The following AOAH variants were observed in gnomAD, a reference collection of about 807,000 sequenced individuals.
The protein encoded by AOAH is acyloxyacyl hydrolase (neutrophil).
Under a neutral mutation model 92.2 loss-of-function variants are expected in AOAH, and 64 were observed. The observed-to-expected ratio is 0.69, with a 90% confidence interval of 0.57 to 0.86. The LOEUF is 0.86. Ranked by LOEUF, AOAH falls within the 40% of genes least tolerant of loss-of-function variation. The probability of loss-of-function intolerance (pLI) is 0.00; values close to 1 mark genes in which losing one functional copy is unlikely to be tolerated. For missense variants in AOAH, 656 were observed against 694.6 expected, an observed-to-expected ratio of 0.94 and a Z score of 0.62; for synonymous variants, 263 against 254.5, an observed-to-expected ratio of 1.03 and a Z score of -0.32.
At chr7:36,543,947 C>CTTTCTT (rs55745823) in intron 15 of AOAH, among the ~76,000 whole-genome samples, 25,858 of 88,844 alleles carry the variant, frequency 0.29, 5,614 homozygotes, top group Middle Eastern at 0.38. Context: ...TTCTTTCTTT[C>CTTTCTT]TTTTTTTTTT....
intron 1 of AOAH, among the ~76,000 whole-genome samples, chr7:36,717,223 T>G (rs1386816570): frequency 1.3e-5 from 2 of 152,248 alleles, no homozygotes; most frequent in Admixed American, 6.5e-5. Flanking sequence ...GCTGGGGTTG[T>G]TTGTGATGGG....
chr7:36,522,212 GC>G, intron 19 of AOAH, 97 bp from the exon 20 acceptor site: 1 of 1,156,952 alleles, frequency 8.6e-7, no homozygotes, highest in Non-Finnish European at 1.3e-6. Context: ...GCCCTCCCGG[GC>G]CCATGTTGAC....
At chr7:36,581,770 A>G (rs1187896080) in intron 12 of AOAH, among the ~76,000 whole-genome samples, 1 of 152,200 alleles carries the variant, frequency 6.6e-6, no homozygotes, top group Non-Finnish European at 1.5e-5. Flanking sequence ...AATCTTTACC[A>G]ATAGGAGATA....
chr7:36,530,596 C>A, intron 18 of AOAH, 82 bp from the exon 19 acceptor site: 1 of 879,326 alleles, frequency 1.1e-6, no homozygotes. Context: ...ACAAAGAAAT[C>A]GATCTTCCCC....
chr7:36,562,778 G>A (rs1225984283), intron 13 of AOAH, among the ~76,000 whole-genome samples: 1 of 152,084 alleles, frequency 6.6e-6, no homozygotes, highest in South Asian at 2.1e-4. Flanking sequence ...AGAAAGTCGG[G>A]GCTTTAGTGC....
chr7:36,630,908 C>G (rs886253683), intron 6 of AOAH, among the ~76,000 whole-genome samples: 1 of 152,156 alleles, frequency 6.6e-6, no homozygotes, highest in Non-Finnish European at 1.5e-5. Context: ...GTTGCTTTCT[C>G]TGTGAAATGG....
chr7:36,684,916 AAAAAAAAAAAAAAAAAAAAAAAAG>A (rs1295283931), intron 2 of AOAH, among the ~76,000 whole-genome samples: 1 of 108,548 alleles, frequency 9.2e-6, no homozygotes, highest in Admixed American at 1.0e-4. Context: ...CAAAAAAAAA[AAAAAAAAAAAAAAAAAAAAAAAAG>A]AAGAAGAAGA....
At chr7:36,588,542 A>G (rs1242334367) in intron 12 of AOAH, among the ~76,000 whole-genome samples, 1 of 152,266 alleles carries the variant, frequency 6.6e-6, no homozygotes, top group Non-Finnish European at 1.5e-5. Context: ...AATGGATTTA[A>G]TAAGGTTATT....
At chr7:36,677,389 A>G (rs894538372) in intron 2 of AOAH, among the ~76,000 whole-genome samples, 3 of 152,228 alleles carry the variant, frequency 2.0e-5, no homozygotes, top group African/African-American at 7.2e-5. Flanking sequence ...AAAATGAGAT[A>G]CAACTTCATG....
chr7:36,689,462 G>T (rs1308249093), intron 1 of AOAH, among the ~76,000 whole-genome samples: 1 of 152,162 alleles, frequency 6.6e-6, no homozygotes, highest in East Asian at 1.9e-4. Flanking sequence ...TTCATAGATG[G>T]CACCTTCTGC....
chr7:36,631,219 C>T (rs1233307036), intron 6 of AOAH, among the ~76,000 whole-genome samples: 1 of 151,928 alleles, frequency 6.6e-6, no homozygotes, highest in Non-Finnish European at 1.5e-5. Flanking sequence ...TGGTGGTGTG[C>T]GCCTGTAATC....
At chr7:36,616,358 G>A in intron 11 of AOAH, 22 bp downstream of exon 11, 1 of 1,592,444 alleles carries the variant, frequency 6.3e-7, no homozygotes, top group South Asian at 1.1e-5. Context: ...CATCTGGAAT[G>A]ATTACTGCCA....
In AOAH at chr7:36,516,010, CT is replaced by C. The variant is rs573012658; in HGVS notation, c.1600-2631del. ...CATCACGCATACATACACCACACCCCTCACAACCCCACACAACACATAAATA... is the reference window on the plus strand; with the variant it reads ...CATCACGCATACATACACCACACCCCCACAACCCCACACAACACATAAATA... On this transcript the variant is annotated intron_variant, in intron 20 of 20. Transcript: ENST00000617537. The surrounding 1 kb of genome is among the most constrained non-coding windows in gnomAD (Gnocchi z 5.0). Among the ~76,000 whole-genome samples, 261 of 148,862 alleles carry C rather than the reference CT, an allele frequency of 1.8e-3. No homozygotes were observed. Among genetic ancestry groups the C allele is most frequent in the African/African-American group, 5.9e-3 (238 of 40,496 alleles).
rs1386861491 is a variant in AOAH, at chr7:36,614,589, CCTT to C, written c.846+1788_846+1790del. Among the ~76,000 whole-genome samples, 1 of 152,186 alleles carries C rather than the reference CCTT, an allele frequency of 6.6e-6. No homozygotes were observed. The highest frequency in any genetic ancestry group is 1.5e-5 in the Non-Finnish European group (1 of 68,042). On this transcript the variant is annotated intron_variant, in intron 11 of 20. Transcript: ENST00000617537. This position sits in a 1 kb window ranked among gnomAD's most constrained non-coding sequence, Gnocchi z 4.2. Reference sequence around the variant, plus strand: ...CCACTCACTCCCCAGCCTGTCTTCTCCTTCTTGCCCTGCGACTGCTGCACCCTC... The same window carrying C: ...CCACTCACTCCCCAGCCTGTCTTCTCCTTGCCCTGCGACTGCTGCACCCTC...
chr7:36,702,452 ACTT>A (rs1386238003), intron 1 of AOAH, among the ~76,000 whole-genome samples: 3 of 152,098 alleles, frequency 2.0e-5, no homozygotes, highest in Non-Finnish European at 4.4e-5. Flanking sequence ...TTGGTTGATA[ACTT>A]CTTCTTCCTC....
intron 20 of AOAH, among the ~76,000 whole-genome samples, chr7:36,517,206 C>CTTTCTTTCTTTCTT (rs1554360930): frequency 2.1e-5 from 1 of 47,148 alleles, no homozygotes; most frequent in Non-Finnish European, 5.6e-5. Context: ...TTCTTTCTTT[C>CTTTCTTTCTTTCTT]TTTCTTTCTC....
chr7:36,674,036 A>G, intron 2 of AOAH, 27 bp from the exon 3 acceptor site: 1 of 1,395,450 alleles, frequency 7.2e-7, no homozygotes, highest in Non-Finnish European at 1.0e-6. Flanking sequence ...GGGAAATTGA[A>G]TATATTTTTA....
At chr7:36,585,438 T>C (rs2116718853) in intron 12 of AOAH, among the ~76,000 whole-genome samples, 1 of 152,336 alleles carries the variant, frequency 6.6e-6, no homozygotes, top group East Asian at 1.9e-4. Flanking sequence ...TATAGCCCAT[T>C]TGGAGGCCTT....
intron 1 of AOAH, among the ~76,000 whole-genome samples, chr7:36,697,178 T>G (rs1170960992): frequency 2.6e-5 from 4 of 152,182 alleles, no homozygotes; most frequent in African/African-American, 9.7e-5. Context: ...CAAGTAGGGT[T>G]TTCATAGATG....
Sources: allele counts gnomAD v4.1 joint callset (sites outside exome capture counted in the v4.1 genomes callset), GRCh38; gene constraint gnomAD v4.1.1; non-coding constraint Gnocchi (gnomAD v3.1); transcripts MANE v1.5; gene names NCBI Gene and HGNC (gene_info 2026-07-23, HGNC 2026-07-21).